ARID1B: variants seen among roughly 807,000 people sequenced by gnomAD.
ARID1B encodes the protein AT-rich interactive domain-containing protein 1B.
ARID1B carries 30 observed loss-of-function variants against 212.3 expected under a neutral mutation model. The ratio of observed to expected loss-of-function variants is 0.14; its 90% CI spans 0.11 to 0.19. The LOEUF (loss-of-function observed/expected upper bound fraction) is 0.19. ARID1B is among the 10% of genes least tolerant of loss of function. ARID1B has a pLI of 1.00. For synonymous variants in ARID1B, 1,402 were observed against 1,301.7 expected, an observed-to-expected ratio of 1.08 and a Z score of -1.66; for missense variants, 2,891 against 3,204.0, an observed-to-expected ratio of 0.90 and a Z score of 2.36.
chr6:156,901,234 G>T, intron 2 of ARID1B, 142 bp from the exon 3 acceptor site: 1 of 975,264 alleles, frequency 1.0e-6, no homozygotes. Flanking sequence ...GTGTCGATTT[G>T]TTTAAGGAAG....
At chr6:157,024,927 A>G (rs1337384037) in intron 4 of ARID1B, among the ~76,000 whole-genome samples, 2 of 152,262 alleles carry the variant, frequency 1.3e-5, no homozygotes, top group African/African-American at 2.4e-5. Context: ...GTTAAGTGCC[A>G]TGCTTCAGAT....
intron 4 of ARID1B, among the ~76,000 whole-genome samples, chr6:156,967,789 T>C (rs1416558198): frequency 2.6e-5 from 4 of 152,230 alleles, no homozygotes; most frequent in Non-Finnish European, 5.9e-5. Context: ...ATTTGAAACA[T>C]AGATGCTGTA....
intron 4 of ARID1B, among the ~76,000 whole-genome samples, chr6:157,039,646 T>TTCC (rs1781612907): frequency 4.4e-4 from 26 of 59,266 alleles, no homozygotes; most frequent in Non-Finnish European, 5.5e-4. Flanking sequence ...TCCTTCCTTC[T>TTCC]TTCCTTCCTT....
At chr6:157,167,218 T>C (rs1026541553) in intron 9 of ARID1B, 33 bp downstream of exon 9, 3 of 1,589,818 alleles carry the variant, frequency 1.9e-6, no homozygotes, top group Admixed American at 1.7e-5. Context: ...CCTGAGCCCC[T>C]CTCTCTCCCC....
chr6:157,074,294 T>C (rs936882332), intron 4 of ARID1B, among the ~76,000 whole-genome samples: 3 of 152,192 alleles, frequency 2.0e-5, no homozygotes, highest in Non-Finnish European at 4.4e-5. Context: ...GTGCACACTC[T>C]CAGCTCACTG....
chr6:156,915,891 C>T (rs1413566174), intron 3 of ARID1B, among the ~76,000 whole-genome samples: 2 of 149,092 alleles, frequency 1.3e-5, no homozygotes, highest in African/African-American at 2.5e-5. Flanking sequence ...AGCAAGACTC[C>T]GTCTCAAAAA....
chr6:156,786,946 C>CTTT (rs373597720), intron 1 of ARID1B, among the ~76,000 whole-genome samples: 3 of 128,900 alleles, frequency 2.3e-5, no homozygotes, highest in African/African-American at 2.9e-5. Flanking sequence ...ATTTGGCCTG[C>CTTT]TTTTTTTTTT....
chr6:156,797,266 C>T (rs1365907692), intron 1 of ARID1B, among the ~76,000 whole-genome samples: 2 of 152,198 alleles, frequency 1.3e-5, no homozygotes, highest in African/African-American at 2.4e-5. Context: ...AGACCAACCA[C>T]CCACATGGGG....
intron 3 of ARID1B, among the ~76,000 whole-genome samples, chr6:156,911,170 A>G (rs1160486101): frequency 6.6e-6 from 1 of 152,204 alleles, no homozygotes; most frequent in Non-Finnish European, 1.5e-5. Flanking sequence ...ATCTTTTGAA[A>G]TGATGAGCAA....
intron 3 of ARID1B, among the ~76,000 whole-genome samples, chr6:156,905,385 A>C (rs183798028): frequency 1.1e-3 from 167 of 152,330 alleles, no homozygotes; most frequent in African/African-American, 3.9e-3. Flanking sequence ...ATGAAGTCAA[A>C]GACAGCTTGC....
intron 4 of ARID1B, among the ~76,000 whole-genome samples, chr6:156,945,460 G>A (rs966370900): frequency 5.9e-5 from 9 of 151,788 alleles, no homozygotes; most frequent in African/African-American, 7.3e-5. Flanking sequence ...GGGGACCACC[G>A]AGTGTGCTGC....
At chr6:156,850,100 C>T (rs553667325) in intron 2 of ARID1B, among the ~76,000 whole-genome samples, 2 of 150,316 alleles carry the variant, frequency 1.3e-5, no homozygotes, top group Non-Finnish European at 3.0e-5. Context: ...ATCTGGCTTG[C>T]ACGTATTTAA....
At chr6:157,013,159 GT>G (rs1189473671) in intron 4 of ARID1B, among the ~76,000 whole-genome samples, 1 of 152,240 alleles carries the variant, frequency 6.6e-6, no homozygotes, top group South Asian at 2.1e-4. Context: ...GATTACAGGC[GT>G]GAGCCACGGC....
At chr6:157,114,108 A>G (rs1219910878) in intron 6 of ARID1B, among the ~76,000 whole-genome samples, 1 of 152,184 alleles carries the variant, frequency 6.6e-6, no homozygotes, top group Non-Finnish European at 1.5e-5. Flanking sequence ...TCATTCCCCC[A>G]TATTGGAAAG....
chr6:156,994,998 G>C (rs1778505497), intron 4 of ARID1B, among the ~76,000 whole-genome samples: 1 of 152,210 alleles, frequency 6.6e-6, no homozygotes, highest in East Asian at 1.9e-4. Context: ...CCAAGACTTA[G>C]GTCTGAGCAG....
intron 2 of ARID1B, among the ~76,000 whole-genome samples, chr6:156,862,230 C>T (rs998913310): frequency 5.9e-5 from 9 of 152,156 alleles, no homozygotes; most frequent in Non-Finnish European, 1.3e-4. Flanking sequence ...CTGGGCTTTC[C>T]ATTGGAATTG....
chr6:156,778,325 T>C lies in ARID1B; in HGVS notation c.645T>C (p.His215=). The C allele has an allele frequency of 6.5e-7, 1 of 1,541,492 alleles. No individual in the cohort carries two copies. Among genetic ancestry groups the C allele is most frequent in the Non-Finnish European group, 8.7e-7 (1 of 1,145,054 alleles). ...AGCAGCAGCAGCAGCAACAGCAACA[T>C]CCCATTTCCAACAACAACAGCTTGG... ...QQQQQQQQQQ[H]PISNNNSLGG... Residue 215 remains histidine, a synonymous_variant, in exon 1 of 20, where the codon CAT becomes CAC. Transcript: ENST00000636930.
rs532857305 is a variant in ARID1B, at chr6:156,827,754, C to CTTTTTTTTT, written c.1792-1452_1792-1444dup. 5.8e-5 allele frequency among the ~76,000 whole-genome samples: 4 copies of CTTTTTTTTT among 68,450 alleles called. 1 individual carries two copies. Among genetic ancestry groups the CTTTTTTTTT allele is most frequent in the Non-Finnish European group, 8.6e-5 (3 of 34,876 alleles). The allele number at this position is 68,450 out of a possible 152,430, so 44.9% of individuals were successfully genotyped here. On this transcript the variant is annotated intron_variant, in intron 1 of 19. Coordinates refer to ENST00000636930, the MANE Select transcript of ARID1B (RefSeq NM_001374828.1). ...GTTATTCCCCTTTATCCTGGTAATT[C>CTTTTTTTTT]TTTTTTTTTTTTTTTTTTTTTTTTT...
At chr6:156,897,215 G>T (rs200500651) in intron 2 of ARID1B, among the ~76,000 whole-genome samples, 3,485 of 75,096 alleles carry the variant, frequency 0.046, 79 homozygotes, top group African/African-American at 0.093. Context: ...TGCTGCTGCT[G>T]CTGCTTCTTC....
Sources: gnomAD v4.1 joint callset for allele counts (sites outside exome capture counted in the v4.1 genomes callset) on GRCh38, gnomAD v4.1.1 for gene constraint, MANE v1.5 for transcripts, NCBI Gene and HGNC (gene_info 2026-07-23, HGNC 2026-07-21) for gene names.